MGME1: variants seen among roughly 807,000 people sequenced by gnomAD.
The protein encoded by MGME1 is mitochondrial genome maintenance exonuclease 1.
MGME1 carries 22 observed loss-of-function variants against 33.0 expected under a neutral mutation model. The ratio of observed to expected loss-of-function variants is 0.67; its 90% CI spans 0.48 to 0.95. The LOEUF (loss-of-function observed/expected upper bound fraction) is 0.95. Ranked by LOEUF, MGME1 falls within the 40% of genes least tolerant of loss-of-function variation. The pLI is 0.00. For missense variants in MGME1, 383 were observed against 397.8 expected, an observed-to-expected ratio of 0.96 and a Z score of 0.32; for synonymous variants, 133 against 144.0, an observed-to-expected ratio of 0.92 and a Z score of 0.55.
At chr20:17,988,426 G>C in intron 4 of MGME1, 128 bp downstream of exon 4, 1 of 937,264 alleles carries the variant, frequency 1.1e-6, no homozygotes, top group Non-Finnish European at 1.6e-6. Context: ...TGGATCACTT[G>C]AGGTCAGGAG....
chr20:17,982,779 TTGAC>T (rs1490679730), intron 3 of MGME1, among the ~76,000 whole-genome samples: 18 of 152,312 alleles, frequency 1.2e-4, no homozygotes, highest in Admixed American at 7.2e-4. Context: ...AAAAATGTTT[TTGAC>T]TGACAATAAT....
chr20:17,969,698 T>TGA, intron 1 of MGME1, 103 bp from the exon 2 acceptor site: 1 of 697,952 alleles, frequency 1.4e-6, no homozygotes, highest in Non-Finnish European at 2.2e-6. Context: ...TCGACTTTCT[T>TGA]AAGAAAGGGC....
intron 2 of MGME1, among the ~76,000 whole-genome samples, chr20:17,973,384 A>G (rs905400284): frequency 2.0e-5 from 3 of 152,084 alleles, no homozygotes; most frequent in Non-Finnish European, 4.4e-5. Context: ...GCAGTGGCTC[A>G]TGCCTGTAAT....
intron 2 of MGME1, 100 bp from the exon 3 acceptor site, chr20:17,975,584 T>C: frequency 1.2e-6 from 1 of 854,700 alleles, no homozygotes. Flanking sequence ...AAAAATGTCA[T>C]TTTTAATTGT....
At chr20:17,983,355 G>T (rs372871010) in intron 3 of MGME1, among the ~76,000 whole-genome samples, 1 of 150,746 alleles carries the variant, frequency 6.6e-6, no homozygotes, top group African/African-American at 2.5e-5. Flanking sequence ...GGTTGTTTCC[G>T]CATCTTGGCC....
rs371167611 is a variant in MGME1, at chr20:17,990,147, C to T, written c.*38C>T. On this transcript the variant is annotated 3_prime_UTR_variant, in exon 5 of 5. Transcript: ENST00000377710. ...TATTTGGGAACATTCAGCACCTTCT[C>T]ACAGTTTGGGAACATATATTGCTGT... 4 of 1,589,868 alleles carry T rather than the reference C, an allele frequency of 2.5e-6. No individual in the cohort carries two copies. The highest frequency in any genetic ancestry group is 3.5e-6 in the Non-Finnish European group (4 of 1,158,204).
chr20:17,969,680 T>C, intron 1 of MGME1, 121 bp from the exon 2 acceptor site: 1 of 607,250 alleles, frequency 1.6e-6, no homozygotes, highest in Non-Finnish European at 2.7e-6. Flanking sequence ...AGGCAGGGTC[T>C]CGCTCTGTCG....
At chr20:17,971,186 T>G (rs922045792) in intron 2 of MGME1, among the ~76,000 whole-genome samples, 1 of 152,242 alleles carries the variant, frequency 6.6e-6, no homozygotes, top group African/African-American at 2.4e-5. Flanking sequence ...GTCTTTTCCC[T>G]AATCCAGACT....
chr20:17,975,678 T>C lies in MGME1; in HGVS notation c.512-6T>C, dbSNP rs187384774. 4.2e-4 allele frequency: 683 copies of C among 1,609,716 alleles called. 6 individuals carry two copies. In the African/African-American group the frequency reaches 8.5e-3, roughly 20 times the overall value. On this transcript the variant is annotated splice_region_variant and splice_polypyrimidine_tract_variant and intron_variant, in intron 2 of 4. Coordinates refer to ENST00000377710, the MANE Select transcript of MGME1 (RefSeq NM_052865.4). ...CCCCTCCCCTTTTCCCTGATTTTCT[T>C]TTCAGACGTCTTTTTACAAGGGAAA...
In MGME1 at chr20:17,985,522, C is replaced by T. The variant is rs188371669; in HGVS notation, c.732-2644C>T. On this transcript the variant is annotated intron_variant, in intron 3 of 4. Coordinates refer to ENST00000377710, the MANE Select transcript of MGME1 (RefSeq NM_052865.4). ...AACGTTTTTTATAAATTTAGTGTAG[C>T]GTAAGTGTACAGTGTTTATAAAGTC... Among the ~76,000 whole-genome samples the T allele has an allele frequency of 3.0e-4, 46 of 152,226 alleles. No individual in the cohort carries two copies. The East Asian group carries it at 6.7e-3, about 22-fold the overall frequency.
intron 2 of MGME1, among the ~76,000 whole-genome samples, chr20:17,970,950 A>G (rs374672560): frequency 1.3e-5 from 2 of 152,214 alleles, no homozygotes; most frequent in African/African-American, 4.8e-5. Context: ...AGCTTCCTTA[A>G]ATTTAATATT....
At position 17,990,104 on chromosome 20, in the gene MGME1, G is replaced by T; in HGVS notation, c.1030G>T (p.Glu344Ter). The T allele has an allele frequency of 1.2e-6, 2 of 1,614,048 alleles. No homozygotes were observed. The highest frequency in any genetic ancestry group is 4.5e-5 in the East Asian group (2 of 44,878). ...NQNIQKPEYS[E>*] ...GAATATTCAGAAACCAGAATATTCA[G>T]AATAGGGAGCAAGTTGCTATTTGGG... is the stretch of plus-strand genomic sequence containing the variant. Residue 344 changes from glutamate (E) to a stop codon, truncating the protein, a stop_gained, in exon 5 of 5, where the codon GAA becomes TAA. Transcript: ENST00000377710. LOFTEE classifies it high-confidence loss of function.
intron 3 of MGME1, among the ~76,000 whole-genome samples, chr20:17,985,595 T>C (rs1258186334): frequency 1.3e-5 from 2 of 152,226 alleles, no homozygotes; most frequent in Non-Finnish European, 2.9e-5. Context: ...CACTCACCGC[T>C]CACTCACTCA....
At chr20:17,981,747 C>T (rs960134198) in intron 3 of MGME1, among the ~76,000 whole-genome samples, 1 of 151,976 alleles carries the variant, frequency 6.6e-6, no homozygotes, top group Non-Finnish European at 1.5e-5. Context: ...TCACTATAAC[C>T]TCCGCCTCCC....
intron 3 of MGME1, among the ~76,000 whole-genome samples, chr20:17,987,233 T>G (rs2036177103): frequency 6.6e-6 from 1 of 151,058 alleles, no homozygotes; most frequent in African/African-American, 2.4e-5. Flanking sequence ...GGCCCTTTTC[T>G]CAACTACACA....
At chr20:17,971,232 C>T (rs1248740863) in intron 2 of MGME1, among the ~76,000 whole-genome samples, 1 of 152,204 alleles carries the variant, frequency 6.6e-6, no homozygotes, top group Non-Finnish European at 1.5e-5. Flanking sequence ...AAACATGTCA[C>T]ATGTTCTAAA....
At chr20:17,975,148 T>C (rs773926411) in intron 2 of MGME1, among the ~76,000 whole-genome samples, 9 of 152,226 alleles carry the variant, frequency 5.9e-5, no homozygotes, top group Non-Finnish European at 1.0e-4. Context: ...AAGTACTTAA[T>C]TTTAATTCAT....
rs1192962160 is a variant in MGME1, at chr20:17,990,823, T to TG, written c.*716dup. 6.6e-6 allele frequency: 1 copy of TG among 152,246 alleles called. No individual in the cohort carries two copies. Among genetic ancestry groups the TG allele is most frequent in the African/African-American group, 2.4e-5 (1 of 41,460 alleles). 9.4% of individuals were successfully genotyped at this position (152,246 alleles called of 1,614,324 possible). A position where few individuals can be genotyped will look rare whatever the true frequency, so the allele number is the denominator to read the frequency against. ...TTCTAAGTGTTTTAGTAACTATTTC[T>TG]GGCGTGAGTCAACAGATCATGTAGA... On this transcript the variant is annotated 3_prime_UTR_variant, in exon 5 of 5. Coordinates refer to ENST00000377710, the MANE Select transcript of MGME1 (RefSeq NM_052865.4).
chr20:17,977,875 T>G (rs914377448), intron 3 of MGME1, among the ~76,000 whole-genome samples: 4 of 152,160 alleles, frequency 2.6e-5, no homozygotes, highest in African/African-American at 4.8e-5. Context: ...TTCGAACGCC[T>G]CTGATACAAA....
Sources: gnomAD v4.1 joint callset for allele counts (sites outside exome capture counted in the v4.1 genomes callset) on GRCh38, gnomAD v4.1.1 for gene constraint, MANE v1.5 for transcripts, NCBI Gene and HGNC (gene_info 2026-07-23, HGNC 2026-07-21) for gene names.